Variants in DOCK4 observed in about 807,000 individuals in gnomAD.
DOCK4 encodes dedicator of cytokinesis protein 4.
DOCK4 carries 97 observed loss-of-function variants against 268.1 expected under a neutral mutation model. The ratio of observed to expected loss-of-function variants is 0.36; its 90% CI spans 0.31 to 0.43. DOCK4 has a LOEUF of 0.43. Among genes scored for constraint, DOCK4 ranks in the 20% least tolerant of loss-of-function variants. The pLI, the probability that DOCK4 is intolerant of heterozygous loss-of-function variation, is 1.00. For synonymous variants in DOCK4, 954 were observed against 887.2 expected (o/e 1.08, Z -1.34); for missense variants, 2,145 against 2,455.7 (o/e 0.87, Z 2.67).
Position 111,977,235 on chromosome 7 carries a change from G to T in DOCK4, c.598C>A (p.His200Asn). ...CTCTTCATCTGGACAAAGAGGTGGT[G>T]ACTGCTGGCCTGCACCGGGGTGTCT... is the stretch of plus-strand genomic sequence containing the variant. ...KKDTPVQASS[H>N]HLFVQMKSLM... is the part of the protein sequence containing the mutation. Residue 200 changes from histidine to asparagine, a missense_variant, in exon 8 of 53, where the codon CAC (histidine) becomes AAC (asparagine). By Grantham distance (68) the His-to-Asn change is moderately conservative (BLOSUM62 1). Coordinates refer to ENST00000428084, the MANE Select transcript of DOCK4 (RefSeq NM_001363540.2). 1 of 1,610,510 alleles carries T rather than the reference G, an allele frequency of 6.2e-7. No individual in the cohort carries two copies. Among genetic ancestry groups the T allele is most frequent in the South Asian group, 1.1e-5 (1 of 90,054 alleles).
chr7:111,794,241 A>G (rs958810465), intron 30 of DOCK4, among the ~76,000 whole-genome samples: 1 of 152,182 alleles, frequency 6.6e-6, no homozygotes, highest in Non-Finnish European at 1.5e-5. Flanking sequence ...CCAACTTAAG[A>G]TGGAAGGCAA....
At chr7:111,809,973 C>A (rs1800967648) in intron 28 of DOCK4, among the ~76,000 whole-genome samples, 1 of 143,210 alleles carries the variant, frequency 7.0e-6, no homozygotes. Context: ...ATAAAGTTCC[C>A]TGAAATAAAC....
intron 34 of DOCK4, 150 bp from the exon 35 acceptor site, chr7:111,783,074 C>G (rs181230491): frequency 1.5e-5 from 10 of 685,480 alleles, no homozygotes; most frequent in Admixed American, 5.6e-5. Flanking sequence ...GCATTGCAAG[C>G]GTTCGTTCAT....
chr7:111,962,218 T>C (rs1034369689), intron 8 of DOCK4, among the ~76,000 whole-genome samples: 1 of 152,158 alleles, frequency 6.6e-6, no homozygotes, highest in Non-Finnish European at 1.5e-5. Context: ...AAATAAACAG[T>C]TGCTTGGAAC....
chr7:112,054,015 G>A (rs1450547309), intron 1 of DOCK4, among the ~76,000 whole-genome samples: 2 of 152,088 alleles, frequency 1.3e-5, no homozygotes, highest in African/African-American at 2.4e-5. Context: ...GAGCAGGGAC[G>A]AAATAACAAA....
intron 8 of DOCK4, among the ~76,000 whole-genome samples, chr7:111,969,678 G>A (rs200730318): frequency 5.4e-4 from 78 of 143,982 alleles, no homozygotes; most frequent in Middle Eastern, 3.6e-3. Context: ...AGTTGAACCA[G>A]AAAAAAAAAA....
At chr7:111,775,024 G>C (rs534461406) in intron 36 of DOCK4, among the ~76,000 whole-genome samples, 2 of 152,342 alleles carry the variant, frequency 1.3e-5, no homozygotes, top group South Asian at 2.1e-4. Context: ...TTCAGAGGCA[G>C]ACAGGTGAGA....
chr7:111,969,800 T>C (rs887737164), intron 8 of DOCK4, among the ~76,000 whole-genome samples: 8 of 152,110 alleles, frequency 5.3e-5, no homozygotes. Context: ...ACAAATACCA[T>C]GACTCTATCA....
intron 1 of DOCK4, among the ~76,000 whole-genome samples, chr7:112,063,800 T>C (rs1806669396): frequency 6.6e-6 from 1 of 152,248 alleles, no homozygotes; most frequent in Non-Finnish European, 1.5e-5. Context: ...ACTTATGTTT[T>C]ACAGTGTTGT....
At chr7:111,857,876 T>C (rs1260843914) in intron 23 of DOCK4, among the ~76,000 whole-genome samples, 58 of 152,224 alleles carry the variant, frequency 3.8e-4, no homozygotes, top group Admixed American at 3.8e-3. Flanking sequence ...TTCATGGCCT[T>C]CAGCAAATAG....
intron 8 of DOCK4, among the ~76,000 whole-genome samples, chr7:111,960,378 G>C (rs1450752490): frequency 6.9e-6 from 1 of 145,262 alleles, no homozygotes; most frequent in Non-Finnish European, 1.5e-5. Flanking sequence ...AAAAAAAAAA[G>C]AAAAGAAAAA....
At chr7:112,184,511 T>C (rs1170107025) in intron 1 of DOCK4, among the ~76,000 whole-genome samples, 1 of 152,182 alleles carries the variant, frequency 6.6e-6, no homozygotes. Flanking sequence ...CTGCAACTTG[T>C]CATTCATTTT....
At chr7:112,023,148 T>C (rs1485883570) in intron 1 of DOCK4, among the ~76,000 whole-genome samples, 4 of 152,140 alleles carry the variant, frequency 2.6e-5, no homozygotes, top group African/African-American at 9.7e-5. Context: ...AGGCTGGTCT[T>C]GAACTCCTGA....
intron 1 of DOCK4, among the ~76,000 whole-genome samples, chr7:112,153,249 A>C (rs1816271977): frequency 6.6e-6 from 1 of 152,202 alleles, no homozygotes; most frequent in South Asian, 2.1e-4. Context: ...AAAGAACACC[A>C]TTGTAAATGG....
chr7:111,803,471 G>A (rs1800449788), intron 30 of DOCK4, among the ~76,000 whole-genome samples: 1 of 152,124 alleles, frequency 6.6e-6, no homozygotes, highest in Non-Finnish European at 1.5e-5. Context: ...GACTGTTGGA[G>A]TTTTATATTT....
At chr7:111,735,645 A>G (rs1795423452) in intron 50 of DOCK4, among the ~76,000 whole-genome samples, 1 of 152,244 alleles carries the variant, frequency 6.6e-6, no homozygotes, top group Non-Finnish European at 1.5e-5. Context: ...TTCTGAAATC[A>G]ATGAATTACA....
chr7:111,788,457 A>C (rs1200918150), intron 32 of DOCK4: 1 of 568,802 alleles, frequency 1.8e-6, no homozygotes, highest in Non-Finnish European at 3.2e-6. Context: ...AGATTAAAAC[A>C]GGAAGACATG....
At chr7:111,983,446 T>C (rs950757787) in intron 7 of DOCK4, among the ~76,000 whole-genome samples, 1 of 152,116 alleles carries the variant, frequency 6.6e-6, no homozygotes, top group Non-Finnish European at 1.5e-5. Flanking sequence ...AAAGTTCAAT[T>C]ATGCTTAGGG....
intron 26 of DOCK4, among the ~76,000 whole-genome samples, chr7:111,832,734 G>T (rs1023926013): frequency 3.3e-5 from 5 of 152,100 alleles, no homozygotes; most frequent in Non-Finnish European, 5.9e-5. Context: ...TGCTATGTTG[G>T]CCAAGCTGGC....
Sources: allele counts gnomAD v4.1 joint callset (sites outside exome capture counted in the v4.1 genomes callset), GRCh38; gene constraint gnomAD v4.1.1; transcripts MANE v1.5; gene names NCBI Gene and HGNC (gene_info 2026-07-23, HGNC 2026-07-21).